WDR59: variants seen among roughly 807,000 people sequenced by gnomAD.
The protein encoded by WDR59 is GATOR2 complex protein WDR59.
Under a neutral mutation model 131.2 loss-of-function variants are expected in WDR59, and 100 were observed. The observed-to-expected ratio is 0.76, with a 90% confidence interval of 0.65 to 0.90. WDR59 has a LOEUF of 0.90. Among genes scored for constraint, WDR59 ranks in the 40% least tolerant of loss-of-function variants. The probability of loss-of-function intolerance (pLI) is 0.00; values close to 1 mark genes in which losing one functional copy is unlikely to be tolerated. For synonymous variants in WDR59, 601 were observed against 466.2 expected (o/e 1.29, Z -3.72); for missense variants, 1,203 against 1,262.2 (o/e 0.95, Z 0.71).
At chr16:74,898,397 T>C (rs776863485) in intron 18 of WDR59, among the ~76,000 whole-genome samples, 43 of 152,196 alleles carry the variant, frequency 2.8e-4, no homozygotes, top group Non-Finnish European at 4.1e-4. Flanking sequence ...ATAGAAAATG[T>C]CCTGTCCCCA....
At chr16:74,906,230 C>T (rs555902502) in intron 17 of WDR59, among the ~76,000 whole-genome samples, 41 of 141,008 alleles carry the variant, frequency 2.9e-4, no homozygotes, top group African/African-American at 8.2e-4. Context: ...AGGAGAATGG[C>T]GTGAACCCGG....
At chr16:74,915,010 A>G (rs564150818) in intron 13 of WDR59, among the ~76,000 whole-genome samples, 14 of 152,354 alleles carry the variant, frequency 9.2e-5, no homozygotes, top group African/African-American at 3.4e-4. Flanking sequence ...TTCTGAAGCA[A>G]AGACTTTCAA....
chr16:74,874,047 G>GC lies in WDR59; in HGVS notation c.*161dup. On this transcript the variant is annotated 3_prime_UTR_variant, in exon 26 of 26. Transcript: ENST00000262144. ...ACCAGGTGGCCAAACAGAAGAGAAGGCAGAGGCCCACCAAGAGCTGATGCT... is the reference window on the plus strand; with the variant it reads ...ACCAGGTGGCCAAACAGAAGAGAAGGCCAGAGGCCCACCAAGAGCTGATGCT... 1 of 624,950 alleles carries GC rather than the reference G, an allele frequency of 1.6e-6. No individual in the cohort carries two copies. The highest frequency in any genetic ancestry group is 2.9e-5 in the Admixed American group (1 of 33,936). The allele number at this position is 624,950 out of a possible 1,614,324, so 38.7% of individuals were successfully genotyped here.
In WDR59 at chr16:74,872,341, A is replaced by G. The variant is rs1330804181; in HGVS notation, c.*1868T>C. The G allele has an allele frequency of 6.6e-6, 1 of 152,322 alleles. No homozygotes were observed. The highest frequency in any genetic ancestry group is 6.5e-5 in the Admixed American group (1 of 15,294). 9.4% of individuals were successfully genotyped at this position (152,322 alleles called of 1,614,324 possible). On this transcript the variant is annotated 3_prime_UTR_variant, in exon 26 of 26. Transcript: ENST00000262144. ...TCTAAGAAACAGAAATAGATATTTC[A>G]GTAGAAATAATAAAAAAGATTTCTT...
chr16:74,964,262 C>G (rs957477552), intron 2 of WDR59, among the ~76,000 whole-genome samples: 1 of 151,580 alleles, frequency 6.6e-6, no homozygotes, highest in Non-Finnish European at 1.5e-5. Flanking sequence ...GCCTATAATC[C>G]CAGGTACTCG....
Position 74,966,387 on chromosome 16 carries a change from G to A in WDR59, c.55-565C>T, listed in dbSNP as rs569386798. On this transcript the variant is annotated intron_variant, in intron 1 of 25. Transcript: ENST00000262144. Reference sequence around the variant, plus strand: ...CCCAGCTATTCGGGAGGATGAGGCAGGAGAATCGCTTGAACGTGGGAGGTG... The same window carrying A: ...CCCAGCTATTCGGGAGGATGAGGCAAGAGAATCGCTTGAACGTGGGAGGTG... 7.7e-4 allele frequency among the ~76,000 whole-genome samples: 118 copies of A among 152,278 alleles called. 2 individuals carry two copies. The South Asian group carries it at 0.024, about 32-fold the overall frequency.
chr16:74,972,459 C>T (rs1423449282), intron 1 of WDR59, among the ~76,000 whole-genome samples: 2 of 152,052 alleles, frequency 1.3e-5, no homozygotes. Context: ...AAAAACTCTG[C>T]CCTTTCTCCA....
chr16:74,950,037 C>A, intron 4 of WDR59: 3 of 536,378 alleles, frequency 5.6e-6, no homozygotes, highest in Non-Finnish European at 7.2e-6. Context: ...TGGAGTGCTT[C>A]AACTTAAAAC....
intron 11 of WDR59, among the ~76,000 whole-genome samples, chr16:74,916,515 A>G (rs1966394620): frequency 6.6e-6 from 1 of 152,168 alleles, no homozygotes; most frequent in South Asian, 2.1e-4. Context: ...AAAAAAAATT[A>G]ATTTAAACTC....
chr16:74,934,271 A>G (rs547517617), intron 8 of WDR59, among the ~76,000 whole-genome samples: 1 of 152,334 alleles, frequency 6.6e-6, no homozygotes, highest in East Asian at 1.9e-4. Context: ...ACGTTCATGC[A>G]TAAAGACTGG....
chr16:74,889,851 G>C, intron 20 of WDR59, 36 bp from the exon 21 acceptor site: 1 of 1,541,414 alleles, frequency 6.5e-7, no homozygotes, highest in Non-Finnish European at 8.9e-7. Context: ...ACTCAAACTG[G>C]CAAGGACAAG....
chr16:74,957,081 C>CTTTTTTTTTTTTTTTTTTTTTTTTT (rs34834142), intron 2 of WDR59, among the ~76,000 whole-genome samples: 1 of 123,948 alleles, frequency 8.1e-6, no homozygotes. Context: ...CTTTTTTTTT[C>CTTTTTTTTTTTTTTTTTTTTTTTTT]TTTTTTTTTT....
chr16:74,934,459 A>T (rs1597745214), intron 8 of WDR59, among the ~76,000 whole-genome samples: 1 of 152,220 alleles, frequency 6.6e-6, no homozygotes, highest in South Asian at 2.1e-4. Context: ...TCTCAAGGCA[A>T]TCACTGATGC....
intron 6 of WDR59, among the ~76,000 whole-genome samples, chr16:74,947,985 G>A (rs542104756): frequency 5.9e-5 from 9 of 152,198 alleles, no homozygotes; most frequent in African/African-American, 2.2e-4. Context: ...GAGGAGAATT[G>A]CTTGAACCTG....
In WDR59 at chr16:74,909,626, A is replaced by C; in HGVS notation, c.1517T>G (p.Phe506Cys). The change falls in exon 16 of 26, where the codon TTT (phenylalanine) becomes TGT (cysteine). Residue 506 changes from phenylalanine to cysteine, a missense_variant. Transcript: ENST00000262144. ...NQEDSASSNP[F>C]ALPNSVTPPL... is the part of the protein sequence containing the mutation. ...GGGAGTGACAGAGTTGGGGAGTGCA[A>C]ACGGGTTGCTGGAAGCGCTGTCTTC... is the stretch of plus-strand genomic sequence containing the variant. The C allele has an allele frequency of 6.3e-7, 1 of 1,591,858 alleles. No individual in the cohort carries two copies. Among genetic ancestry groups the C allele is most frequent in the East Asian group, 2.2e-5 (1 of 44,562 alleles).
At position 74,886,317 on chromosome 16, in the gene WDR59, G is replaced by A; in HGVS notation, c.2499C>T (p.Tyr833=). Residue 833 remains tyrosine (Y), a synonymous_variant, in exon 24 of 26, where the codon TAC becomes TAT. Coordinates refer to ENST00000262144, the MANE Select transcript of WDR59 (RefSeq NM_030581.4). ...CGCGTTCTCGCTCACGGGGATCACT[G>A]TAGGTCAGACTCCCAAAGCGGAGCT... ...PEELRFGSLT[Y]SDPRERERDQ... is the part of the protein sequence containing the mutation. The A allele has an allele frequency of 1.2e-6, 2 of 1,614,036 alleles. No homozygotes were observed. Among genetic ancestry groups the A allele is most frequent in the Non-Finnish European group, 1.7e-6 (2 of 1,179,998 alleles).
chr16:74,917,056 G>T (rs530137811), intron 11 of WDR59, among the ~76,000 whole-genome samples: 1 of 152,226 alleles, frequency 6.6e-6, no homozygotes, highest in Non-Finnish European at 1.5e-5. Flanking sequence ...AGCGCTGTGG[G>T]AGATCCAATA....
chr16:74,924,912 C>T (rs1333424511), intron 8 of WDR59, among the ~76,000 whole-genome samples: 1 of 152,162 alleles, frequency 6.6e-6, no homozygotes, highest in African/African-American at 2.4e-5. Context: ...TGAACTACCA[C>T]TCCCGGCCAC....
intron 1 of WDR59, among the ~76,000 whole-genome samples, chr16:74,975,287 G>A (rs2019037696): frequency 1.3e-5 from 2 of 152,174 alleles, no homozygotes; most frequent in African/African-American, 4.8e-5. Context: ...CTTGAACCCA[G>A]GAGTTGGAGA....
Sources: gnomAD v4.1 joint callset for allele counts (sites outside exome capture counted in the v4.1 genomes callset) on GRCh38, gnomAD v4.1.1 for gene constraint, MANE v1.5 for transcripts, NCBI Gene and HGNC (gene_info 2026-07-23, HGNC 2026-07-21) for gene names.